The following FMC1 variants were observed in gnomAD, a reference collection of about 807,000 sequenced individuals.
The protein encoded by FMC1 is formation of mitochondrial complex V assembly factor 1.
In FMC1, 6 loss-of-function variants were observed where a neutral mutation model predicts 10.5. That is an observed-to-expected ratio of 0.57 (90% CI 0.31 to 1.12). The LOEUF is 1.12. Ranked by LOEUF, FMC1 falls within the 50% of genes most tolerant of loss-of-function variation. The pLI, the probability that FMC1 is intolerant of heterozygous loss-of-function variation, is 0.05. For missense variants in FMC1, 146 were observed against 151.7 expected (o/e 0.96, Z 0.20); for synonymous variants, 59 against 62.1 (o/e 0.95, Z 0.24).
rs1314787558 is a variant in FMC1, at chr7:139,345,830, G to A, written c.*126G>A. 3 of 1,050,188 alleles carry A rather than the reference G, an allele frequency of 2.9e-6. No homozygotes were observed. Among genetic ancestry groups the A allele is most frequent in the South Asian group, 3.8e-5 (2 of 51,996 alleles). 65.1% of individuals were successfully genotyped at this position (1,050,188 alleles called of 1,614,324 possible). On this transcript the variant is annotated 3_prime_UTR_variant, in exon 2 of 2. Transcript: ENST00000297534. ...CTGTAATTTTGTTTACTAGTTCTTA[G>A]GGGAATTAACTGGACATTTCATCTT...
chr7:139,340,609 C>T (rs1409562432), upstream of FMC1: 1 of 396,948 alleles, frequency 2.5e-6, no homozygotes, highest in Non-Finnish European at 4.4e-6. Context: ...GGTGTGGTTT[C>T]GTGGGATAGG....
Position 139,345,664 on chromosome 7 carries a change from A to T in FMC1, c.302A>T (p.Lys101Met). Residue 101 changes from lysine (K) to methionine (M), a missense_variant, in exon 2 of 2, where the codon AAG (lysine) becomes ATG (methionine). Lys to Met is a moderately conservative substitution (Grantham distance 95). Transcript: ENST00000297534. ...GAGTCTGCTGGCTTGGTGGGTCTCA[A>T]GTTGCCCCATCAGCCTGGAGGGAAG... Reference protein sequence around the residue: ...VEESAGLVGLKLPHQPGGKGW... With the variant: ...VEESAGLVGLMLPHQPGGKGW... The T allele has an allele frequency of 6.2e-7, 1 of 1,614,208 alleles. No homozygotes were observed. Among genetic ancestry groups the T allele is most frequent in the South Asian group, 1.1e-5 (1 of 91,078 alleles).
Position 139,341,541 on chromosome 7 carries a change from G to A in FMC1, c.138+19G>A. 1 of 1,607,002 alleles carries A rather than the reference G, an allele frequency of 6.2e-7. No individual in the cohort carries two copies. Among genetic ancestry groups the A allele is most frequent in the Non-Finnish European group, 8.5e-7 (1 of 1,175,000 alleles). On this transcript the variant is annotated intron_variant, in intron 1 of 1. Transcript: ENST00000297534. The stretch of plus-strand genomic sequence containing the variant: ...ACATCGGGTACGGGAGCCATGTCCC[G>A]GGTGCTCTACGTGCTGGGGAGGGAG...
chr7:139,345,381 A>G (rs894674858), intron 1 of FMC1, 120 bp from the exon 2 acceptor site: 1 of 1,415,444 alleles, frequency 7.1e-7, no homozygotes, highest in African/African-American at 1.4e-5. Flanking sequence ...ATATACATAC[A>G]TGTCTGTATT....
chr7:139,341,371 A>C lies in FMC1; in HGVS notation c.-14A>C. 1 of 1,603,658 alleles carries C rather than the reference A, an allele frequency of 6.2e-7. No individual in the cohort carries two copies. The highest frequency in any genetic ancestry group is 2.2e-5 in the East Asian group (1 of 44,608). ...GGACGCCGTTGGGCACCACGCTCGG[A>C]GAAGGACAGGACAATGGCGGCCTTA... On this transcript the variant is annotated 5_prime_UTR_variant, in exon 1 of 2. Coordinates refer to ENST00000297534, the MANE Select transcript of FMC1 (RefSeq NM_197964.5).
chr7:139,344,695 CTTTTTTTT>C (rs1026301999), intron 1 of FMC1, among the ~76,000 whole-genome samples: 1 of 116,362 alleles, frequency 8.6e-6, no homozygotes, highest in Non-Finnish European at 1.8e-5. Flanking sequence ...AATTTTCTTT[CTTTTTTTT>C]TTTTTTTTTT....
At chr7:139,345,465 G>A in intron 1 of FMC1, 36 bp from the exon 2 acceptor site, 2 of 1,612,848 alleles carry the variant, frequency 1.2e-6, no homozygotes, top group Non-Finnish European at 1.7e-6. Context: ...TGTATCTCTA[G>A]CTGGGTTAAG....
intron 1 of FMC1, among the ~76,000 whole-genome samples, chr7:139,342,611 C>T (rs1489664609): frequency 6.6e-6 from 1 of 152,122 alleles, no homozygotes; most frequent in Admixed American, 6.5e-5. Flanking sequence ...AGGCGACATG[C>T]GACACCACGC....
At chr7:139,341,872 G>A (rs1322771012) in intron 1 of FMC1, among the ~76,000 whole-genome samples, 1 of 152,174 alleles carries the variant, frequency 6.6e-6, no homozygotes, top group African/African-American at 2.4e-5. Context: ...CAATGAAGAT[G>A]GAGTTGAAGG....
chr7:139,340,807 A>G (rs1030844645), upstream of FMC1, among the ~76,000 whole-genome samples: 4 of 151,220 alleles, frequency 2.6e-5, no homozygotes, highest in African/African-American at 9.7e-5. Context: ...CCCTTTCTAA[A>G]CAAAGCGAAA....
rs765353109 is a variant in FMC1, at chr7:139,345,484, AC to A, written c.139-16del. The A allele has an allele frequency of 3.1e-6, 5 of 1,613,940 alleles. No homozygotes were observed. In the South Asian group the frequency reaches 5.5e-5, roughly 18 times the overall value. ...TCTCTAGCTGGGTTAAGAATTTCTG[AC>A]TTGCTGCTTCTCTAGGTCACCAGTG... is the stretch of plus-strand genomic sequence containing the variant. On this transcript the variant is annotated splice_polypyrimidine_tract_variant and intron_variant, in intron 1 of 1. Transcript: ENST00000297534.
In FMC1 at chr7:139,345,875, G is replaced by C; in HGVS notation, c.*171G>C. 1.3e-6 allele frequency: 1 copy of C among 756,098 alleles called. No individual in the cohort carries two copies. The highest frequency in any genetic ancestry group is 1.9e-6 in the Non-Finnish European group (1 of 513,734). The allele number at this position is 756,098 out of a possible 1,614,324, so 46.8% of individuals were successfully genotyped here. A position where few individuals can be genotyped will look rare whatever the true frequency, so the allele number is the denominator to read the frequency against. On this transcript the variant is annotated 3_prime_UTR_variant, in exon 2 of 2. Coordinates refer to ENST00000297534, the MANE Select transcript of FMC1 (RefSeq NM_197964.5). ...CATCTTTACTCTCAGTGAATTTACTGAACTTTTTGCACTAGACTGATGTTG... is the reference window on the plus strand; with the variant it reads ...CATCTTTACTCTCAGTGAATTTACTCAACTTTTTGCACTAGACTGATGTTG...
At position 139,341,376 on chromosome 7, in the gene FMC1, G is replaced by A. The variant is rs1364807732; in HGVS notation, c.-9G>A. 2.5e-6 allele frequency: 4 copies of A among 1,611,168 alleles called. No homozygotes were observed. The highest frequency in any genetic ancestry group is 1.7e-6 in the Non-Finnish European group (2 of 1,178,768). The stretch of plus-strand genomic sequence containing the variant: ...CCGTTGGGCACCACGCTCGGAGAAG[G>A]ACAGGACAATGGCGGCCTTAGGGTC... On this transcript the variant is annotated 5_prime_UTR_variant, in exon 1 of 2. Coordinates refer to ENST00000297534, the MANE Select transcript of FMC1 (RefSeq NM_197964.5).
rs1443587846 is a variant in FMC1 at position 139,341,617 on chromosome 7, T to G, written c.138+95T>G. On this transcript the variant is annotated intron_variant, in intron 1 of 1. Transcript: ENST00000297534. ...GGGAGCACGGTGTTTAATTCCTGCA[T>G]TTCTGAGGCCAACCCTCCCACGGAG... 2.6e-6 allele frequency: 4 copies of G among 1,523,148 alleles called. No homozygotes were observed. In the African/African-American group the frequency reaches 5.5e-5, roughly 21 times the overall value. The allele number at this position is 1,523,148 out of a possible 1,614,324, so 94.4% of individuals were successfully genotyped here.
At chr7:139,340,483 C>A, upstream of FMC1, 1 of 398,568 alleles carries the variant, frequency 2.5e-6, no homozygotes, top group South Asian at 1.3e-4. Flanking sequence ...TGCGCGCGCC[C>A]GTTCAACGTC....
intron 1 of FMC1, among the ~76,000 whole-genome samples, chr7:139,344,589 ATAAG>A (rs1295518806): frequency 6.6e-6 from 1 of 152,160 alleles, no homozygotes; most frequent in Non-Finnish European, 1.5e-5. Context: ...GCCAATTGTA[ATAAG>A]TAATATGAAC....
chr7:139,342,886 T>A (rs959423164), intron 1 of FMC1, among the ~76,000 whole-genome samples: 7 of 152,236 alleles, frequency 4.6e-5, no homozygotes, highest in African/African-American at 1.7e-4. Context: ...AATACCACTC[T>A]GGAATGCACT....
rs745404460 is a variant in FMC1, at chr7:139,341,527, G to A, written c.138+5G>A. On this transcript the variant is annotated splice_donor_5th_base_variant and intron_variant, in intron 1 of 1. Coordinates refer to ENST00000297534, the MANE Select transcript of FMC1 (RefSeq NM_197964.5). ...AAGGCTTTCCGTGCACATCGGGTAC[G>A]GGAGCCATGTCCCGGGTGCTCTACG... 13 of 1,610,522 alleles carry A rather than the reference G, an allele frequency of 8.1e-6. No homozygotes were observed. The highest frequency in any genetic ancestry group is 2.7e-5 in the African/African-American group (2 of 74,902).
At position 139,345,582 on chromosome 7, in the gene FMC1, C is replaced by T. The variant is rs761612375; in HGVS notation, c.220C>T (p.Arg74Trp). 1.4e-5 allele frequency: 23 copies of T among 1,613,990 alleles called. No homozygotes were observed. The highest frequency in any genetic ancestry group is 2.7e-5 in the African/African-American group (2 of 74,882). ...CTATCTCTGCCTCCTGCGTAGCATC[C>T]GGAAACATGTGGCCCTACATCAGGA... is the stretch of plus-strand genomic sequence containing the variant. ...ATYLCLLRSI[R>W]KHVALHQEFH... Residue 74 changes from arginine to tryptophan, a missense_variant, in exon 2 of 2, where the codon CGG becomes TGG. Transcript: ENST00000297534.
Sources: allele counts gnomAD v4.1 joint callset (sites outside exome capture counted in the v4.1 genomes callset), GRCh38; gene constraint gnomAD v4.1.1; transcripts MANE v1.5; gene names NCBI Gene and HGNC (gene_info 2026-07-23, HGNC 2026-07-21).